Variants in NEBL observed in about 807,000 individuals in gnomAD.
NEBL encodes LIM and SH3 protein 2.
In NEBL, 122 loss-of-function variants were observed where a neutral mutation model predicts 140.2. The observed-to-expected ratio is 0.87, with a 90% CI of 0.75 to 1.01. The LOEUF is 1.01. Ranked by LOEUF, NEBL falls within the 50% of genes least tolerant of loss-of-function variation. The probability of loss-of-function intolerance (pLI) is 0.00; values close to 1 mark genes in which losing one functional copy is unlikely to be tolerated. For missense variants in NEBL, 1,365 were observed against 1,231.3 expected (o/e 1.11, Z -1.62); for synonymous variants, 436 against 398.9 (o/e 1.09, Z -1.11).
In NEBL at chr10:20,941,564, G is replaced by C. The variant is rs540191445; in HGVS notation, c.357+20108C>G. ...TCTCTCATCACTCCTATTCAACATA[G>C]TGTTGGAAGTTCTGGCCAGGGCAAT... On this transcript the variant is annotated intron_variant, in intron 4 of 6. Coordinates refer to the NEBL transcript ENST00000417816. 1.6e-3 allele frequency among the ~76,000 whole-genome samples: 235 copies of C among 151,226 alleles called. 1 individual carries two copies. Among genetic ancestry groups the C allele is most frequent in the African/African-American group, 5.6e-3 (230 of 41,106 alleles).
At chr10:20,834,754 C>T (rs1840718533) in intron 14 of NEBL, among the ~76,000 whole-genome samples, 1 of 152,180 alleles carries the variant, frequency 6.6e-6, no homozygotes, top group South Asian at 2.1e-4. Context: ...TCATCACATC[C>T]CAAAGCTTCT....
intron 3 of NEBL, 27 bp downstream of exon 3, chr10:20,889,818 C>A (rs201899392): frequency 2.2e-6 from 3 of 1,360,276 alleles, no homozygotes; most frequent in Non-Finnish European, 3.2e-6. Context: ...TAAATGCAAG[C>A]CAGTTTGCAA....
intron 3 of NEBL, among the ~76,000 whole-genome samples, chr10:21,222,240 G>C (rs543724877): frequency 6.6e-6 from 1 of 151,080 alleles, no homozygotes; most frequent in Non-Finnish European, 1.5e-5. Flanking sequence ...AAGCCCAGGA[G>C]TTGAGAGGCC....
At chr10:21,040,838 G>A (rs1037508490) in intron 2 of NEBL, among the ~76,000 whole-genome samples, 4 of 152,072 alleles carry the variant, frequency 2.6e-5, no homozygotes, top group African/African-American at 9.7e-5. Flanking sequence ...AGATCTGGTT[G>A]TTTAAAAGTG....
intron 26 of NEBL, among the ~76,000 whole-genome samples, chr10:20,793,815 C>G (rs183373773): frequency 6.6e-5 from 10 of 152,276 alleles, no homozygotes; most frequent in African/African-American, 2.4e-4. Flanking sequence ...CTTGGCCTCC[C>G]AAAATGCTGG....
chr10:21,023,819 T>C (rs951361036), intron 2 of NEBL, among the ~76,000 whole-genome samples: 1 of 152,212 alleles, frequency 6.6e-6, no homozygotes, highest in South Asian at 2.1e-4. Flanking sequence ...CTCTTCACTA[T>C]GTGTGCACAA....
At chr10:20,956,844 C>T (rs1162821069) in intron 4 of NEBL, among the ~76,000 whole-genome samples, 3 of 151,992 alleles carry the variant, frequency 2.0e-5, no homozygotes, top group African/African-American at 4.8e-5. Context: ...TCATGTAAGA[C>T]CTAATTGCCT....
chr10:20,929,659 A>C (rs1414886085), intron 4 of NEBL, among the ~76,000 whole-genome samples: 4 of 152,022 alleles, frequency 2.6e-5, no homozygotes, highest in African/African-American at 9.7e-5. Flanking sequence ...AGGAAGTCAG[A>C]TACCACATGT....
chr10:21,138,716 C>A (rs1230698566), intron 2 of NEBL, among the ~76,000 whole-genome samples: 3 of 151,956 alleles, frequency 2.0e-5, no homozygotes, highest in South Asian at 4.2e-4. Flanking sequence ...GGTTTGGTAA[C>A]TTGCCCAGAG....
At chr10:20,957,659 C>G (rs1835869499) in intron 4 of NEBL, among the ~76,000 whole-genome samples, 1 of 152,066 alleles carries the variant, frequency 6.6e-6, no homozygotes, top group South Asian at 2.1e-4. Context: ...CACACACAGA[C>G]AAGCAAAACT....
chr10:21,231,199 A>T (rs1196700226), intron 3 of NEBL, among the ~76,000 whole-genome samples: 1 of 152,236 alleles, frequency 6.6e-6, no homozygotes, highest in Non-Finnish European at 1.5e-5. Flanking sequence ...AGCCACCTTT[A>T]TGGAACTTAC....
At chr10:21,110,920 A>C in intron 2 of NEBL, 1 of 539,196 alleles carries the variant, frequency 1.9e-6, no homozygotes, top group South Asian at 1.6e-5. Context: ...TCAATGTGCA[A>C]AAATCACAAG....
intron 19 of NEBL, among the ~76,000 whole-genome samples, chr10:20,820,574 C>T (rs565334795): frequency 6.7e-4 from 102 of 152,296 alleles, no homozygotes; most frequent in African/African-American, 2.3e-3. Context: ...GCCTGTAATC[C>T]TAACAGTTTG....
At chr10:21,227,653 T>TTTCTTCCTCTTCTTCTTCTTC (rs1842169651) in intron 3 of NEBL, among the ~76,000 whole-genome samples, 1 of 83,242 alleles carries the variant, frequency 1.2e-5, no homozygotes, top group African/African-American at 4.1e-5. Flanking sequence ...GCACTTGAAG[T>TTTCTTCCTCTTCTTCTTCTTC]TTCTTCTTCT....
At chr10:20,816,385 T>G (rs1838722426) in intron 21 of NEBL, among the ~76,000 whole-genome samples, 1 of 152,196 alleles carries the variant, frequency 6.6e-6, no homozygotes, top group Admixed American at 6.5e-5. Flanking sequence ...GCAGAATTTT[T>G]GTAAAGATGT....
intron 4 of NEBL, among the ~76,000 whole-genome samples, chr10:20,905,583 T>C (rs1395324024): frequency 1.3e-5 from 2 of 152,166 alleles, no homozygotes; most frequent in African/African-American, 4.8e-5. Flanking sequence ...CGGATTACAA[T>C]TGGAGCTGAG....
chr10:20,936,619 A>C (rs1834501346), intron 4 of NEBL, among the ~76,000 whole-genome samples: 2 of 152,352 alleles, frequency 1.3e-5, no homozygotes, highest in Non-Finnish European at 2.9e-5. Context: ...TCTCTAGTGT[A>C]CAAACATTCC....
chr10:20,842,626 A>G (rs141466950), intron 12 of NEBL, among the ~76,000 whole-genome samples: 1 of 152,118 alleles, frequency 6.6e-6, no homozygotes. Context: ...TTATGGTTGC[A>G]TATATTTATG....
At chr10:21,028,426 G>A (rs1833631943) in intron 2 of NEBL, among the ~76,000 whole-genome samples, 1 of 151,870 alleles carries the variant, frequency 6.6e-6, no homozygotes, top group African/African-American at 2.4e-5. Flanking sequence ...AAAGGAGAGT[G>A]GCAAGCAAAT....
Sources: allele counts gnomAD v4.1 joint callset (sites outside exome capture counted in the v4.1 genomes callset), GRCh38; gene constraint gnomAD v4.1.1; transcripts MANE v1.5; gene names NCBI Gene and HGNC (gene_info 2026-07-23, HGNC 2026-07-21).